The following KIAA0513 variants were observed in gnomAD, a reference collection of about 807,000 sequenced individuals.
The protein encoded by KIAA0513 is uncharacterized protein KIAA0513.
Under a neutral mutation model 56.5 loss-of-function variants are expected in KIAA0513, and 39 were observed. The observed-to-expected ratio is 0.69, with a 90% confidence interval of 0.53 to 0.90. KIAA0513 has a LOEUF of 0.90. Ranked by LOEUF, KIAA0513 falls within the 40% of genes least tolerant of loss-of-function variation. KIAA0513 has a pLI of 0.00. For missense variants in KIAA0513, 591 were observed against 535.2 expected (o/e 1.10, Z -1.03); for synonymous variants, 268 against 215.6 (o/e 1.24, Z -2.13).
At chr16:85,030,714 A>G (rs1470585968) in intron 1 of KIAA0513, among the ~76,000 whole-genome samples, 2 of 151,544 alleles carry the variant, frequency 1.3e-5, no homozygotes, top group Non-Finnish European at 2.9e-5. Flanking sequence ...ACTGCACTCC[A>G]GCCTGGGTGA....
chr16:85,042,114 A>T (rs548965047), intron 1 of KIAA0513, among the ~76,000 whole-genome samples: 2 of 152,250 alleles, frequency 1.3e-5, no homozygotes, highest in Admixed American at 1.3e-4. Context: ...AACATCCTTT[A>T]TTCTCTTATA....
At chr16:85,044,882 G>C (rs2073150699) in intron 1 of KIAA0513, among the ~76,000 whole-genome samples, 1 of 152,016 alleles carries the variant, frequency 6.6e-6, no homozygotes, top group African/African-American at 2.4e-5. Context: ...ACTTTGGGAG[G>C]CCGAGGCAGG....
intron 2 of KIAA0513, among the ~76,000 whole-genome samples, chr16:85,070,196 A>C (rs923736927): frequency 4.0e-5 from 6 of 151,088 alleles, no homozygotes; most frequent in Non-Finnish European, 8.8e-5. Context: ...AAAAAGAAAG[A>C]AATTTTGCGT....
intron 6 of KIAA0513, 122 bp from the exon 7 acceptor site, chr16:85,078,293 C>T (rs1261661658): frequency 1.0e-6 from 1 of 992,848 alleles, no homozygotes; most frequent in Non-Finnish European, 1.5e-6. Context: ...TCATAAAAGG[C>T]TTTTCAGAGC....
chr16:85,080,470 C>T (rs889725770), intron 8 of KIAA0513, among the ~76,000 whole-genome samples: 2 of 152,180 alleles, frequency 1.3e-5, no homozygotes, highest in African/African-American at 2.4e-5. Context: ...GCCTACACAC[C>T]ATCGTTTGCC....
rs62049929 is a variant in KIAA0513, at chr16:85,091,159, T to C, written c.*2834T>C. On this transcript the variant is annotated 3_prime_UTR_variant, in exon 13 of 13. Coordinates refer to ENST00000683363, the MANE Select transcript of KIAA0513 (RefSeq NM_001388359.1). ...TCATCCATGGGGCCATTGCAGGCACTCTGCCGCCCGACCTTGAGGGCTGTG... is the reference window on the plus strand; with the variant it reads ...TCATCCATGGGGCCATTGCAGGCACCCTGCCGCCCGACCTTGAGGGCTGTG... The C allele has an allele frequency of 0.18, 28,069 of 152,302 alleles. 3,053 individuals are homozygous for C. The highest frequency in any genetic ancestry group is 0.28 in the Middle Eastern group (83 of 294). 9.4% of individuals were successfully genotyped at this position (152,302 alleles called of 1,614,324 possible). A position where few individuals can be genotyped will look rare whatever the true frequency, so the allele number is the denominator to read the frequency against.
chr16:85,078,048 G>A (rs2073684714), intron 6 of KIAA0513, among the ~76,000 whole-genome samples: 1 of 152,168 alleles, frequency 6.6e-6, no homozygotes, highest in African/African-American at 2.4e-5. Context: ...TTGGGGACGG[G>A]CACATCAGAA....
Position 85,092,569 on chromosome 16 carries a change from A to C in KIAA0513, c.*4244A>C, listed in dbSNP as rs28499180. ...GGCGAAACGGCCAGATTCTCACTCA[A>C]GGTCGTTCTCACTCCTTTTCCTGTC... On this transcript the variant is annotated 3_prime_UTR_variant, in exon 13 of 13. Coordinates refer to ENST00000683363, the MANE Select transcript of KIAA0513 (RefSeq NM_001388359.1). The C allele has an allele frequency of 0.099, 15,075 of 152,190 alleles. 1,082 individuals are homozygous for C. Among genetic ancestry groups the C allele is most frequent in the Admixed American group, 0.2 (3,105 of 15,282 alleles). The allele number at this position is 152,190 out of a possible 1,614,324, so 9.4% of individuals were successfully genotyped here. A position where few individuals can be genotyped will look rare whatever the true frequency, so the allele number is the denominator to read the frequency against.
At chr16:85,078,521 G>T in intron 7 of KIAA0513, 66 bp downstream of exon 7, 1 of 1,508,092 alleles carries the variant, frequency 6.6e-7, no homozygotes, top group Non-Finnish European at 9.1e-7. Flanking sequence ...ACACAAGCAG[G>T]TGCACGGCCT....
At chr16:85,087,566 G>T (rs183879143) in intron 12 of KIAA0513, among the ~76,000 whole-genome samples, 4 of 152,294 alleles carry the variant, frequency 2.6e-5, no homozygotes. Context: ...ATGAGTATCG[G>T]GGGACAAGGG....
intron 1 of KIAA0513, among the ~76,000 whole-genome samples, chr16:85,051,986 T>C (rs2073259090): frequency 6.6e-6 from 1 of 151,890 alleles, no homozygotes; most frequent in African/African-American, 2.4e-5. Context: ...TTACAAGCAC[T>C]TATTAAATGA....
chr16:85,077,718 G>A (rs1197735144), intron 6 of KIAA0513, 86 bp downstream of exon 6: 5 of 969,014 alleles, frequency 5.2e-6, no homozygotes, highest in East Asian at 5.0e-5. Flanking sequence ...CAGGGAGGGT[G>A]CGGGTGAGGC....
In KIAA0513 at chr16:85,034,266, A is replaced by G. The variant is rs907236733; in HGVS notation, c.-173+6408A>G. On this transcript the variant is annotated intron_variant, in intron 1 of 12. Transcript: ENST00000683363. Reference sequence around the variant, plus strand: ...ATGGTTGTGGGTGCCTCTAAGCCCAACTACTAAGGAGGCTGAGGCAGGAGA... The same window carrying G: ...ATGGTTGTGGGTGCCTCTAAGCCCAGCTACTAAGGAGGCTGAGGCAGGAGA... Among the ~76,000 whole-genome samples, 23 of 152,124 alleles carry G rather than the reference A, an allele frequency of 1.5e-4. 1 individual carries two copies. The highest frequency in any genetic ancestry group is 5.6e-4 in the African/African-American group (23 of 41,410).
At position 85,093,373 on chromosome 16, in the gene KIAA0513, C is replaced by T. The variant is rs1257438164; in HGVS notation, c.*5048C>T. 6.6e-6 allele frequency: 1 copy of T among 152,460 alleles called. No individual in the cohort carries two copies. The highest frequency in any genetic ancestry group is 2.4e-5 in the African/African-American group (1 of 41,430). 9.4% of individuals were successfully genotyped at this position (152,460 alleles called of 1,614,324 possible). ...CAACTTCCCTTCTACACCCCTCCTG[C>T]AGGACAGTACGATTTGGGGAGAACC... On this transcript the variant is annotated 3_prime_UTR_variant, in exon 13 of 13. Transcript: ENST00000683363.
chr16:85,030,816 C>T (rs940023188), intron 1 of KIAA0513, among the ~76,000 whole-genome samples: 36 of 151,438 alleles, frequency 2.4e-4, no homozygotes, highest in Admixed American at 1.4e-3. Flanking sequence ...ATCCCACTTT[C>T]TAAATCTGGG....
intron 4 of KIAA0513, 114 bp from the exon 5 acceptor site, chr16:85,075,730 T>C (rs2073646631): frequency 5.9e-6 from 5 of 845,594 alleles, no homozygotes; most frequent in South Asian, 2.9e-5. Context: ...GCATCTCCAG[T>C]GGGGAAGATA....
At chr16:85,079,116 C>A in intron 8 of KIAA0513, 113 bp downstream of exon 8, 1 of 1,568,854 alleles carries the variant, frequency 6.4e-7, no homozygotes, top group South Asian at 1.2e-5. Flanking sequence ...AATTCTCACA[C>A]TCACCAGAGT....
intron 1 of KIAA0513, among the ~76,000 whole-genome samples, chr16:85,041,952 C>T (rs1004088145): frequency 3.9e-5 from 6 of 152,210 alleles, no homozygotes; most frequent in Non-Finnish European, 8.8e-5. Context: ...CTATGCTGCG[C>T]ACTCCTGTCC....
intron 8 of KIAA0513, among the ~76,000 whole-genome samples, chr16:85,080,663 G>A (rs1363388127): frequency 6.6e-6 from 1 of 152,048 alleles, no homozygotes; most frequent in Admixed American, 6.6e-5. Flanking sequence ...GTGTGGTGGC[G>A]CATGCCTATA....
Sources: allele counts gnomAD v4.1 joint callset (sites outside exome capture counted in the v4.1 genomes callset), GRCh38; gene constraint gnomAD v4.1.1; transcripts MANE v1.5; gene names NCBI Gene and HGNC (gene_info 2026-07-23, HGNC 2026-07-21).